COP1: variants seen among roughly 807,000 people sequenced by gnomAD.
COP1 encodes E3 ubiquitin-protein ligase COP1.
COP1 carries 24 observed loss-of-function variants against 101.3 expected under a neutral mutation model. The observed-to-expected ratio is 0.24, with a 90% CI of 0.17 to 0.33. COP1 has a LOEUF of 0.33. Ranked by LOEUF, COP1 falls within the 10% of genes least tolerant of loss-of-function variation. The pLI, the probability that COP1 is intolerant of heterozygous loss-of-function variation, is 1.00. For missense variants in COP1, 663 were observed against 906.2 expected, an observed-to-expected ratio of 0.73 and a Z score of 3.45; for synonymous variants, 347 against 341.9, an observed-to-expected ratio of 1.01 and a Z score of -0.17.
intron 3 of COP1, among the ~76,000 whole-genome samples, chr1:176,173,106 T>C (rs1696339137): frequency 6.6e-6 from 1 of 151,732 alleles, no homozygotes; most frequent in Non-Finnish European, 1.5e-5. Context: ...GGTCAGGAGT[T>C]TGAGACCAGT....
intron 5 of COP1, among the ~76,000 whole-genome samples, chr1:176,154,435 A>G (rs538636511): frequency 6.6e-6 from 1 of 152,232 alleles, no homozygotes; most frequent in African/African-American, 2.4e-5. Flanking sequence ...TGGTGTACAT[A>G]CACGATAGAA....
At chr1:176,021,549 T>C (rs966381404) in intron 15 of COP1, among the ~76,000 whole-genome samples, 4 of 152,214 alleles carry the variant, frequency 2.6e-5, no homozygotes, top group African/African-American at 9.6e-5. Flanking sequence ...CGGGACATAA[T>C]TTTTTAATCA....
chr1:176,006,747 G>C (rs1406300154), intron 15 of COP1, among the ~76,000 whole-genome samples: 1 of 152,134 alleles, frequency 6.6e-6, no homozygotes, highest in African/African-American at 2.4e-5. Flanking sequence ...TCCCTTTGTA[G>C]GTAACCCGAC....
rs201051472 is a variant in COP1 at position 176,085,879 on chromosome 1, C to T, written c.1038G>A (p.Gln346=). 7 of 1,585,146 alleles carry T rather than the reference C, an allele frequency of 4.4e-6. No individual in the cohort carries two copies. Among genetic ancestry groups the T allele is most frequent in the Non-Finnish European group, 5.2e-6 (6 of 1,157,994 alleles). The change falls in exon 10 of 20, where the codon CAG becomes CAA. Residue 346 remains glutamine (Q), a synonymous_variant. Transcript: ENST00000367669. ...GFSGSSQTKK[Q]PWYNSTLASR... Reference sequence around the variant, plus strand: ...ATGCTAACGTGCTATTATACCAAGGCTGTTTCTTTGTCTAAAATAATAAGA... The same window carrying T: ...ATGCTAACGTGCTATTATACCAAGGTTGTTTCTTTGTCTAAAATAATAAGA...
At chr1:176,097,223 T>C (rs1289308545) in intron 9 of COP1, among the ~76,000 whole-genome samples, 4 of 151,884 alleles carry the variant, frequency 2.6e-5, no homozygotes, top group Non-Finnish European at 4.4e-5. Context: ...GACCTTGTTT[T>C]GTTGAAAAAA....
chr1:176,162,978 C>T lies in COP1; in HGVS notation c.653G>A (p.Arg218Lys), dbSNP rs1444099543. The T allele has an allele frequency of 6.3e-7, 1 of 1,597,214 alleles. No individual in the cohort carries two copies. Among genetic ancestry groups the T allele is most frequent in the Non-Finnish European group, 8.5e-7 (1 of 1,173,706 alleles). ...DHSVSSTNGH[R>K]WQIFQDWLGT... ...CAACCAATCTTGAAATATCTGCCACCTGTGGCCATTCTAAAAATGAAGAAA... is the reference window on the plus strand; with the variant it reads ...CAACCAATCTTGAAATATCTGCCACTTGTGGCCATTCTAAAAATGAAGAAA... The change falls in exon 5 of 20, where the codon AGG becomes AAG. Residue 218 changes from arginine (R) to lysine (K), a missense_variant. Arg to Lys is a conservative substitution (Grantham distance 26). Around this residue, in one of 4 missense-constraint regions of COP1, gnomAD observed 212 missense variants for 240.7 expected, o/e 0.88. Transcript: ENST00000367669.
intron 18 of COP1, among the ~76,000 whole-genome samples, chr1:175,948,982 G>A (rs1649514837): frequency 6.6e-6 from 1 of 151,700 alleles, no homozygotes; most frequent in Non-Finnish European, 1.5e-5. Context: ...GGCTAATATG[G>A]TGTAATCCTG....
At chr1:176,111,001 A>C (rs1685186731) in intron 9 of COP1, among the ~76,000 whole-genome samples, 1 of 151,930 alleles carries the variant, frequency 6.6e-6, no homozygotes, top group Admixed American at 6.6e-5. Context: ...AAAATACAAA[A>C]ATTAGCTGGG....
At chr1:175,962,585 C>A (rs1190301981) in intron 18 of COP1, among the ~76,000 whole-genome samples, 1 of 152,116 alleles carries the variant, frequency 6.6e-6, no homozygotes, top group African/African-American at 2.4e-5. Flanking sequence ...TTCCAACCCA[C>A]CCCTGGCAGC....
At chr1:175,993,536 G>A (rs1309540957) in intron 15 of COP1, among the ~76,000 whole-genome samples, 4 of 152,184 alleles carry the variant, frequency 2.6e-5, no homozygotes, top group Non-Finnish European at 4.4e-5. Context: ...AACCAATACA[G>A]AGAAGTGCTT....
chr1:176,050,705 G>A (rs1276596122), intron 11 of COP1, among the ~76,000 whole-genome samples: 1 of 152,168 alleles, frequency 6.6e-6, no homozygotes, highest in Non-Finnish European at 1.5e-5. Context: ...AATACTACTT[G>A]AAACTTCCAT....
chr1:176,034,301 A>G (rs1669116920), intron 14 of COP1, among the ~76,000 whole-genome samples: 1 of 151,922 alleles, frequency 6.6e-6, no homozygotes, highest in East Asian at 1.9e-4. Flanking sequence ...ATTGGGAGTA[A>G]TTTTTTCCTT....
intron 6 of COP1, among the ~76,000 whole-genome samples, chr1:176,144,231 G>A (rs1437436587): frequency 6.6e-6 from 1 of 152,090 alleles, no homozygotes; most frequent in Admixed American, 6.6e-5. Flanking sequence ...AATAAATTAG[G>A]ATTAATGAGA....
chr1:176,043,950 C>A (rs1332223737), intron 12 of COP1, 132 bp from the exon 13 acceptor site: 23 of 598,084 alleles, frequency 3.8e-5, no homozygotes, highest in Non-Finnish European at 5.7e-5. Flanking sequence ...ATTATTCTGC[C>A]CACAACATAC....
chr1:175,989,556 T>C, intron 15 of COP1, 77 bp from the exon 16 acceptor site: 1 of 807,950 alleles, frequency 1.2e-6, no homozygotes, highest in Non-Finnish European at 2.1e-6. Context: ...GGTTTTTGGT[T>C]TTTTCATTAA....
intron 14 of COP1, among the ~76,000 whole-genome samples, chr1:176,028,429 G>A (rs2149076098): frequency 6.6e-6 from 1 of 151,330 alleles, no homozygotes; most frequent in African/African-American, 2.4e-5. Context: ...GCTGGGCATG[G>A]TGGTGCAGGC....
rs72713280 is a variant in COP1, at chr1:176,077,512, A to C, written c.1277+3640T>G. Among the ~76,000 whole-genome samples the C allele has an allele frequency of 2.3e-3, 351 of 152,350 alleles. 1 individual carries two copies. Among genetic ancestry groups the C allele is most frequent in the Non-Finnish European group, 4.0e-3 (275 of 68,026 alleles). On this transcript the variant is annotated intron_variant, in intron 11 of 19. Transcript: ENST00000367669. ...CAAAAGAACATAACCCAAAATAGTAAGAGTCATCTATGACAAACCCACAGC... is the reference window on the plus strand; with the variant it reads ...CAAAAGAACATAACCCAAAATAGTACGAGTCATCTATGACAAACCCACAGC...
chr1:176,003,725 C>G (rs1662376303), intron 15 of COP1, among the ~76,000 whole-genome samples: 1 of 151,904 alleles, frequency 6.6e-6, no homozygotes, highest in Non-Finnish European at 1.5e-5. Context: ...TGTTTTGGTA[C>G]CAGTACCATG....
At chr1:176,194,795 G>A (rs1235382888) in intron 1 of COP1, among the ~76,000 whole-genome samples, 1 of 151,980 alleles carries the variant, frequency 6.6e-6, no homozygotes, top group Non-Finnish European at 1.5e-5. Context: ...AAGAAAGCTA[G>A]GCCAGGTCAG....
Sources: allele counts gnomAD v4.1 joint callset (sites outside exome capture counted in the v4.1 genomes callset), GRCh38; gene constraint gnomAD v4.1.1; regional missense constraint gnomAD v4.1.1; transcripts MANE v1.5; gene names NCBI Gene and HGNC (gene_info 2026-07-23, HGNC 2026-07-21).